The following DYNC2H1 variants were observed in gnomAD, a reference collection of about 807,000 sequenced individuals.
The protein encoded by DYNC2H1 is cytoplasmic dynein 2 heavy chain 1.
Under a neutral mutation model 570.0 loss-of-function variants are expected in DYNC2H1, and 410 were observed. The observed-to-expected ratio is 0.72, with a 90% confidence interval of 0.66 to 0.78. DYNC2H1 has a LOEUF of 0.78. DYNC2H1 is among the 30% of genes least tolerant of loss of function. The pLI is 0.00. For synonymous variants in DYNC2H1, 1,688 were observed against 1,677.6 expected, an observed-to-expected ratio of 1.01 and a Z score of -0.15; for missense variants, 4,865 against 5,046.4, an observed-to-expected ratio of 0.96 and a Z score of 1.09.
intron 11 of DYNC2H1, among the ~76,000 whole-genome samples, chr11:103,123,963 T>C (rs574377680): frequency 6.6e-6 from 1 of 152,280 alleles, no homozygotes; most frequent in Admixed American, 6.5e-5. Flanking sequence ...ACCATAATAG[T>C]TTACTGACAT....
At chr11:103,373,334 A>G (rs1941254534) in intron 83 of DYNC2H1, among the ~76,000 whole-genome samples, 1 of 152,176 alleles carries the variant, frequency 6.6e-6, no homozygotes, top group African/African-American at 2.4e-5. Flanking sequence ...TTGCTCATAA[A>G]AGTCTCTTAT....
chr11:103,253,017 A>C (rs1045962233), intron 65 of DYNC2H1, among the ~76,000 whole-genome samples: 1 of 152,202 alleles, frequency 6.6e-6, no homozygotes. Context: ...GAAACATATT[A>C]ATGTTAAAAC....
intron 62 of DYNC2H1, 123 bp downstream of exon 62, chr11:103,235,936 ATTT>A: frequency 2.5e-6 from 3 of 1,223,062 alleles, no homozygotes; most frequent in Non-Finnish European, 3.3e-6. Flanking sequence ...AATGGGGGAA[ATTT>A]TATATGGGTT....
intron 10 of DYNC2H1, among the ~76,000 whole-genome samples, 187 bp from the exon 11 acceptor site, chr11:103,122,638 G>T (rs1469068494): frequency 6.6e-6 from 1 of 152,168 alleles, no homozygotes; most frequent in Non-Finnish European, 1.5e-5. Flanking sequence ...CTCTTCTGCG[G>T]CTGTATAATT....
chr11:103,352,528 A>G (rs562145524), intron 82 of DYNC2H1, among the ~76,000 whole-genome samples: 5 of 152,294 alleles, frequency 3.3e-5, no homozygotes, highest in African/African-American at 1.2e-4. Flanking sequence ...GTAGGGGGTT[A>G]ATTTTGGTAA....
In DYNC2H1 at chr11:103,280,918, G is replaced by A. The variant is rs1866103399; in HGVS notation, c.10761+505G>A. On this transcript the variant is annotated intron_variant, in intron 71 of 88. Transcript: ENST00000375735. This position sits in a 1 kb window ranked among gnomAD's most constrained non-coding sequence, Gnocchi z 4.7. Reference sequence around the variant, plus strand: ...TATGATCTCATTTCTAGTCTGCCATGTAACCCCTTCTCAAACTTTAAAAGG... The same window carrying A: ...TATGATCTCATTTCTAGTCTGCCATATAACCCCTTCTCAAACTTTAAAAGG... Among the ~76,000 whole-genome samples, 1 of 151,944 alleles carries A rather than the reference G, an allele frequency of 6.6e-6. No individual in the cohort carries two copies. The highest frequency in any genetic ancestry group is 1.5e-5 in the Non-Finnish European group (1 of 67,916).
At position 103,154,761 on chromosome 11, in the gene DYNC2H1, A is replaced by G. The variant is rs560312205; in HGVS notation, c.3525A>G (p.Glu1175=). The change falls in exon 24 of 89, where the codon GAA becomes GAG. Residue 1175 remains glutamate (E), a synonymous_variant. Coordinates refer to ENST00000375735, the MANE Select transcript of DYNC2H1 (RefSeq NM_001377.3). ...ATGACAGATTAAGGAAGGTTGAAGAACATTCAGTGATGACAGTGAAATTAC... is the reference window on the plus strand; with the variant it reads ...ATGACAGATTAAGGAAGGTTGAAGAGCATTCAGTGATGACAGTGAAATTAC... ...NWHDRLRKVE[E]HSVMTVKLQS... 3.8e-6 allele frequency: 6 copies of G among 1,565,964 alleles called. No individual in the cohort carries two copies. The highest frequency in any genetic ancestry group is 1.7e-4 in the Middle Eastern group (1 of 5,986).
At chr11:103,412,667 A>C (rs1943133265) in intron 84 of DYNC2H1, among the ~76,000 whole-genome samples, 1 of 152,176 alleles carries the variant, frequency 6.6e-6, no homozygotes, top group Non-Finnish European at 1.5e-5. Flanking sequence ...TCCTTCAGCA[A>C]TATGGCAAAA....
chr11:103,158,869 C>A, intron 27 of DYNC2H1, 41 bp from the exon 28 acceptor site: 1 of 1,516,620 alleles, frequency 6.6e-7, no homozygotes, highest in Non-Finnish European at 8.9e-7. Flanking sequence ...TCTTAATTAT[C>A]TGAAAAAAAG....
At chr11:103,257,032 C>T (rs1351184403) in intron 68 of DYNC2H1, among the ~76,000 whole-genome samples, 1 of 152,078 alleles carries the variant, frequency 6.6e-6, no homozygotes, top group Non-Finnish European at 1.5e-5. Flanking sequence ...ATTTGTGTGT[C>T]CTCATCACCC....
At chr11:103,360,940 A>T (rs1243979184) in intron 83 of DYNC2H1, among the ~76,000 whole-genome samples, 2 of 152,212 alleles carry the variant, frequency 1.3e-5, no homozygotes, top group African/African-American at 4.8e-5. Context: ...ATGGAATCCA[A>T]GATATGAGCA....
At chr11:103,428,110 C>G (rs544823514) in intron 84 of DYNC2H1, among the ~76,000 whole-genome samples, 206 of 151,516 alleles carry the variant, frequency 1.4e-3, no homozygotes, top group African/African-American at 4.9e-3. Context: ...AGTAAAACAG[C>G]TTGCTACCTG....
chr11:103,235,289 A>T (rs1370417613), intron 61 of DYNC2H1, among the ~76,000 whole-genome samples: 1 of 151,872 alleles, frequency 6.6e-6, no homozygotes, highest in East Asian at 1.9e-4. Flanking sequence ...TATTTACAAT[A>T]ACCTTTTTGC....
At chr11:103,150,104 G>C (rs1436935382) in intron 20 of DYNC2H1, among the ~76,000 whole-genome samples, 1 of 152,202 alleles carries the variant, frequency 6.6e-6, no homozygotes, top group African/African-American at 2.4e-5. Flanking sequence ...TCAAGGAAGA[G>C]AATGGTATGA....
chr11:103,150,683 A>G (rs1860491106), intron 20 of DYNC2H1, among the ~76,000 whole-genome samples: 1 of 152,200 alleles, frequency 6.6e-6, no homozygotes, highest in African/African-American at 2.4e-5. Flanking sequence ...GGCTTAGACC[A>G]ACTGGTAGAT....
At chr11:103,370,951 G>T (rs562482517) in intron 83 of DYNC2H1, among the ~76,000 whole-genome samples, 7 of 151,986 alleles carry the variant, frequency 4.6e-5, no homozygotes. Context: ...AGGAAAACAT[G>T]ACCTCACAAA....
chr11:103,297,477 A>G (rs985056916), intron 75 of DYNC2H1, among the ~76,000 whole-genome samples: 5 of 152,056 alleles, frequency 3.3e-5, no homozygotes, highest in African/African-American at 1.2e-4. Context: ...GTGTACGTAA[A>G]CCTTGATTGT....
At chr11:103,373,287 A>G (rs906239091) in intron 83 of DYNC2H1, among the ~76,000 whole-genome samples, 2 of 152,010 alleles carry the variant, frequency 1.3e-5, no homozygotes, top group Non-Finnish European at 2.9e-5. Context: ...CTAGGAATTT[A>G]TCCACTTTTT....
At chr11:103,315,385 A>T (rs1937766821) in intron 79 of DYNC2H1, among the ~76,000 whole-genome samples, 1 of 152,040 alleles carries the variant, frequency 6.6e-6, no homozygotes, top group African/African-American at 2.4e-5. Context: ...ATGCTTTGTT[A>T]AGCTTTTGTT....
Sources: allele counts gnomAD v4.1 joint callset (sites outside exome capture counted in the v4.1 genomes callset), GRCh38; gene constraint gnomAD v4.1.1; non-coding constraint Gnocchi (gnomAD v3.1); transcripts MANE v1.5; gene names NCBI Gene and HGNC (gene_info 2026-07-23, HGNC 2026-07-21).